AKAP6: variants seen among roughly 807,000 people sequenced by gnomAD.
AKAP6 encodes the protein A-kinase anchor protein 6.
AKAP6 carries 58 observed loss-of-function variants against 188.5 expected under a neutral mutation model. That is an observed-to-expected ratio of 0.31 (90% CI 0.25 to 0.38). The LOEUF is 0.38. AKAP6 is among the 10% of genes least tolerant of loss of function. The pLI is 1.00. For synonymous variants in AKAP6, 989 were observed against 998.6 expected (o/e 0.99, Z 0.18); for missense variants, 2,710 against 2,740.0 (o/e 0.99, Z 0.24).
At chr14:32,429,900 TG>T (rs1326845969) in intron 1 of AKAP6, among the ~76,000 whole-genome samples, 1 of 152,246 alleles carries the variant, frequency 6.6e-6, no homozygotes, top group Non-Finnish European at 1.5e-5. Context: ...GCTATGCTTT[TG>T]TTTCATATTT....
rs190553105 is a variant in AKAP6, at chr14:32,673,438, T to C, written c.2731-4873T>C. The stretch of plus-strand genomic sequence containing the variant: ...AAAGTCTCAGTAAACATATGAGTAA[T>C]AAATGGATGAATGCAGCTGGGTGTG... On this transcript the variant is annotated intron_variant, in intron 7 of 13. Transcript: ENST00000280979. Among the ~76,000 whole-genome samples the C allele has an allele frequency of 7.9e-5, 12 of 152,232 alleles. No homozygotes were observed. In the East Asian group the frequency reaches 1.9e-3, roughly 25 times the overall value.
intron 8 of AKAP6, among the ~76,000 whole-genome samples, chr14:32,679,609 ATTCT>A (rs1297520793): frequency 1.3e-5 from 2 of 152,150 alleles, no homozygotes; most frequent in Non-Finnish European, 2.9e-5. Context: ...CTGATGAAAA[ATTCT>A]TTCTTATTGT....
chr14:32,765,326 T>C (rs2032679073), intron 11 of AKAP6, among the ~76,000 whole-genome samples: 1 of 152,196 alleles, frequency 6.6e-6, no homozygotes, highest in African/African-American at 2.4e-5. Flanking sequence ...GAATGATCTT[T>C]GGTAAAGTAT....
In AKAP6 at chr14:32,757,871, A is replaced by G. The variant is rs886765795; in HGVS notation, c.3373-15807A>G. Among the ~76,000 whole-genome samples the G allele has an allele frequency of 7.2e-5, 11 of 152,020 alleles. 1 individual carries two copies. Among genetic ancestry groups the G allele is most frequent in the African/African-American group, 2.4e-4 (10 of 41,334 alleles). On this transcript the variant is annotated intron_variant, in intron 11 of 13. Coordinates refer to ENST00000280979, the MANE Select transcript of AKAP6 (RefSeq NM_004274.5). ...GAAGAGAAGTGAGGAAATTCCTGGAATAAGTGACTATAAAATGAGATCTGA... is the reference window on the plus strand; with the variant it reads ...GAAGAGAAGTGAGGAAATTCCTGGAGTAAGTGACTATAAAATGAGATCTGA...
intron 1 of AKAP6, among the ~76,000 whole-genome samples, chr14:32,412,623 G>T (rs567546618): frequency 1.3e-5 from 2 of 152,142 alleles, no homozygotes; most frequent in Admixed American, 6.5e-5. Context: ...GAAATTTACT[G>T]TTCACTTTCG....
At chr14:32,776,962 A>C (rs766607156) in intron 12 of AKAP6, among the ~76,000 whole-genome samples, 3 of 152,122 alleles carry the variant, frequency 2.0e-5, no homozygotes, top group Non-Finnish European at 4.4e-5. Flanking sequence ...AGCAGAAGGA[A>C]CCACCTGAAA....
intron 1 of AKAP6, among the ~76,000 whole-genome samples, chr14:32,332,568 G>A (rs889042288): frequency 3.9e-5 from 6 of 152,090 alleles, no homozygotes; most frequent in African/African-American, 7.2e-5. Flanking sequence ...TGATGGAGTT[G>A]CACTCAAAGC....
chr14:32,571,143 G>T (rs186152065), intron 4 of AKAP6, among the ~76,000 whole-genome samples: 1 of 151,990 alleles, frequency 6.6e-6, no homozygotes, highest in Non-Finnish European at 1.5e-5. Flanking sequence ...ACCATCTGAG[G>T]GTTATTTGTT....
chr14:32,602,378 CTAGT>C (rs1885962425), intron 7 of AKAP6, among the ~76,000 whole-genome samples: 1 of 152,082 alleles, frequency 6.6e-6, no homozygotes, highest in African/African-American at 2.4e-5. Context: ...ACCTACAGTC[CTAGT>C]TACTCAGGAG....
chr14:32,453,743 C>T (rs1204447499), intron 2 of AKAP6, among the ~76,000 whole-genome samples: 1 of 150,276 alleles, frequency 6.7e-6, no homozygotes, highest in Non-Finnish European at 1.5e-5. Context: ...ACTACAGGCG[C>T]CCGCCACTGC....
intron 7 of AKAP6, among the ~76,000 whole-genome samples, chr14:32,630,721 C>A (rs756921720): frequency 6.6e-6 from 1 of 151,964 alleles, no homozygotes; most frequent in Non-Finnish European, 1.5e-5. Context: ...ACAATGTAAC[C>A]CTTTCCTGAT....
At chr14:32,572,538 C>A (rs1370110395) in intron 4 of AKAP6, among the ~76,000 whole-genome samples, 2 of 152,164 alleles carry the variant, frequency 1.3e-5, no homozygotes, top group African/African-American at 4.8e-5. Flanking sequence ...ACCGCCCAGA[C>A]AGTTTATATT....
chr14:32,543,672 T>C (rs1164739778), intron 3 of AKAP6, among the ~76,000 whole-genome samples: 1 of 152,126 alleles, frequency 6.6e-6, no homozygotes. Flanking sequence ...AGTAACAGAT[T>C]TGCAATTTGT....
chr14:32,556,794 G>A (rs555671896), intron 4 of AKAP6, among the ~76,000 whole-genome samples: 46 of 152,210 alleles, frequency 3.0e-4, no homozygotes, highest in Middle Eastern at 3.4e-3. Flanking sequence ...TTTGTTGCCT[G>A]TGGTTTTGGT....
At position 32,390,048 on chromosome 14, in the gene AKAP6, T is replaced by C. The variant is rs142200958; in HGVS notation, c.-34-43412T>C. Among the ~76,000 whole-genome samples the C allele has an allele frequency of 2.0e-3, 304 of 152,274 alleles. 1 individual carries two copies. The highest frequency in any genetic ancestry group is 7.1e-3 in the African/African-American group (294 of 41,580). Reference sequence around the variant, plus strand: ...TGGAGGCTTTATTCATATTTTCTTATTCTTTTTTCTTTGTCTCTGTTGGAT... The same window carrying C: ...TGGAGGCTTTATTCATATTTTCTTACTCTTTTTTCTTTGTCTCTGTTGGAT... On this transcript the variant is annotated intron_variant, in intron 1 of 13. Coordinates refer to ENST00000280979, the MANE Select transcript of AKAP6 (RefSeq NM_004274.5).
At chr14:32,548,593 G>GAT (rs1883312483) in intron 4 of AKAP6, among the ~76,000 whole-genome samples, 1 of 151,136 alleles carries the variant, frequency 6.6e-6, no homozygotes, top group African/African-American at 2.4e-5. Context: ...TAGATATAAA[G>GAT]AGATGGTAGG....
At chr14:32,653,039 C>G (rs182603771) in intron 7 of AKAP6, among the ~76,000 whole-genome samples, 143 of 152,120 alleles carry the variant, frequency 9.4e-4, no homozygotes, top group African/African-American at 3.4e-3. Flanking sequence ...GGTGACAGAG[C>G]GAGACCCTGT....
At chr14:32,434,866 T>G (rs1267539022) in intron 2 of AKAP6, among the ~76,000 whole-genome samples, 2 of 152,124 alleles carry the variant, frequency 1.3e-5, no homozygotes, top group Admixed American at 6.6e-5. Flanking sequence ...AGTGTTCAAA[T>G]GAGTGTGGTC....
rs758832767 is a variant in AKAP6 at position 32,821,653 on chromosome 14, C to T, written c.3840C>T (p.Pro1280=). The change falls in exon 13 of 14, where the codon CCC becomes CCT. Residue 1280 remains proline, a synonymous_variant. Transcript: ENST00000280979. The part of the protein sequence containing the change: ...GSQYASNITA[P]SSPHIYQVYS... ...AGTATGCCTCAAATATTACTGCCCCCTCTAGTCCACACATTTACCAGGTGT... is the reference window on the plus strand; with the variant it reads ...AGTATGCCTCAAATATTACTGCCCCTTCTAGTCCACACATTTACCAGGTGT... 2 of 1,613,788 alleles carry T rather than the reference C, an allele frequency of 1.2e-6. No homozygotes were observed. Among genetic ancestry groups the T allele is most frequent in the South Asian group, 2.2e-5 (2 of 91,068 alleles).
Sources: allele counts gnomAD v4.1 joint callset (sites outside exome capture counted in the v4.1 genomes callset), GRCh38; gene constraint gnomAD v4.1.1; transcripts MANE v1.5; gene names NCBI Gene and HGNC (gene_info 2026-07-23, HGNC 2026-07-21).